The following CCSER1 variants were observed in gnomAD, a reference collection of about 807,000 sequenced individuals.
The protein encoded by CCSER1 is serine-rich coiled-coil domain-containing protein 1.
Under a neutral mutation model 82.0 loss-of-function variants are expected in CCSER1, and 41 were observed. That is an observed-to-expected ratio of 0.50 (90% confidence interval 0.39 to 0.65). The LOEUF (loss-of-function observed/expected upper bound fraction) is 0.65, where lower values mean the gene tolerates loss of function less well. CCSER1 is among the 30% of genes least tolerant of loss of function. CCSER1 has a pLI of 0.00. For synonymous variants in CCSER1, 414 were observed against 383.9 expected (o/e 1.08, Z -0.92); for missense variants, 1,119 against 1,064.2 (o/e 1.05, Z -0.72).
intron 1 of CCSER1, among the ~76,000 whole-genome samples, chr4:90,186,285 A>G (rs181445458): frequency 4.6e-5 from 7 of 152,150 alleles, no homozygotes; most frequent in East Asian, 1.9e-4. Flanking sequence ...GATATGTGTC[A>G]GGTTCTTATA....
chr4:90,536,039 T>TA (rs1775301703), intron 5 of CCSER1, among the ~76,000 whole-genome samples: 1 of 148,222 alleles, frequency 6.7e-6, no homozygotes, highest in South Asian at 2.2e-4. Context: ...CTGTTTTTTT[T>TA]TTTTTTTTTT....
chr4:90,596,933 AAAAT>A (rs1783411618), intron 5 of CCSER1, among the ~76,000 whole-genome samples: 2 of 152,068 alleles, frequency 1.3e-5, no homozygotes, highest in South Asian at 4.1e-4. Flanking sequence ...AAGACAATAA[AAAAT>A]AAGTAATTTC....
intron 3 of CCSER1, among the ~76,000 whole-genome samples, chr4:90,368,524 T>C (rs964591307): frequency 5.9e-5 from 9 of 151,726 alleles, no homozygotes; most frequent in Admixed American, 2.6e-4. Context: ...TCTTAGCTCC[T>C]GGGGTGGCTG....
chr4:91,491,948 G>GTTTTT (rs10717215), intron 10 of CCSER1, among the ~76,000 whole-genome samples: 1 of 124,594 alleles, frequency 8.0e-6, no homozygotes, highest in South Asian at 2.5e-4. Flanking sequence ...ATTGCTAATA[G>GTTTTT]TTTTTTTTTT....
chr4:90,333,590 G>A (rs932582673), intron 3 of CCSER1, among the ~76,000 whole-genome samples: 1 of 152,184 alleles, frequency 6.6e-6, no homozygotes, highest in East Asian at 1.9e-4. Flanking sequence ...CTCCAGCAAT[G>A]CAGTTTAAGT....
chr4:90,224,673 C>T (rs1053912616), intron 1 of CCSER1, among the ~76,000 whole-genome samples: 1 of 152,196 alleles, frequency 6.6e-6, no homozygotes, highest in African/African-American at 2.4e-5. Flanking sequence ...GAAGAGATTT[C>T]TGGCTTTTCC....
chr4:90,155,158 T>C (rs1054633213), intron 1 of CCSER1, among the ~76,000 whole-genome samples: 16 of 152,244 alleles, frequency 1.1e-4, no homozygotes, highest in Non-Finnish European at 2.1e-4. Flanking sequence ...TTGTCTTTGG[T>C]TCTGTTTATA....
At position 91,419,942 on chromosome 4, in the gene CCSER1, C is replaced by T. The variant is rs141745547; in HGVS notation, c.2218-178630C>T. 3.4e-4 allele frequency among the ~76,000 whole-genome samples: 52 copies of T among 152,052 alleles called. No individual in the cohort carries two copies. The East Asian group carries it at 8.7e-3, about 25-fold the overall frequency. ...CTTTGACAAGAGCACCAAGAATACACGTTAGGAAAGATGAGTTTCTTCAAT... is the reference window on the plus strand; with the variant it reads ...CTTTGACAAGAGCACCAAGAATACATGTTAGGAAAGATGAGTTTCTTCAAT... On this transcript the variant is annotated intron_variant, in intron 10 of 10. Transcript: ENST00000509176.
chr4:91,311,698 A>G (rs960220473), intron 10 of CCSER1, among the ~76,000 whole-genome samples: 6 of 151,974 alleles, frequency 3.9e-5, no homozygotes, highest in East Asian at 1.9e-4. Flanking sequence ...AGACTTGTCT[A>G]TAGGTCTTAA....
chr4:90,852,859 A>G (rs1309276898), intron 8 of CCSER1, among the ~76,000 whole-genome samples: 1 of 152,172 alleles, frequency 6.6e-6, no homozygotes, highest in Non-Finnish European at 1.5e-5. Context: ...AAAGAAACTG[A>G]TATCTTACTA....
intron 10 of CCSER1, among the ~76,000 whole-genome samples, chr4:91,389,639 G>A (rs1751529615): frequency 6.6e-6 from 1 of 151,322 alleles, no homozygotes; most frequent in South Asian, 2.1e-4. Flanking sequence ...ATTTCGGTGG[G>A]GATTGTGTTG....
intron 10 of CCSER1, among the ~76,000 whole-genome samples, chr4:91,095,200 C>T (rs759883911): frequency 2.6e-5 from 4 of 152,190 alleles, no homozygotes; most frequent in East Asian, 3.9e-4. Flanking sequence ...AGTAGCCCTT[C>T]GAACAGATTG....
chr4:91,020,084 G>A (rs1031924843), intron 9 of CCSER1, among the ~76,000 whole-genome samples: 1 of 151,914 alleles, frequency 6.6e-6, no homozygotes, highest in East Asian at 1.9e-4. Context: ...AAAATTTCTT[G>A]GGGGAAAACA....
intron 5 of CCSER1, among the ~76,000 whole-genome samples, chr4:90,619,989 T>G (rs1486663412): frequency 6.6e-6 from 1 of 152,106 alleles, no homozygotes; most frequent in African/African-American, 2.4e-5. Context: ...AACCTTCTCT[T>G]TTTAAGACTA....
chr4:90,966,237 A>G (rs759301644), intron 9 of CCSER1, among the ~76,000 whole-genome samples: 9 of 152,058 alleles, frequency 5.9e-5, no homozygotes, highest in Admixed American at 1.3e-4. Flanking sequence ...TATGAAAAAC[A>G]TTGATCTGCC....
chr4:91,202,036 CA>C (rs1735939916), intron 10 of CCSER1, among the ~76,000 whole-genome samples: 1 of 151,906 alleles, frequency 6.6e-6, no homozygotes, highest in South Asian at 2.1e-4. Context: ...AATGCTATTC[CA>C]ATATCACTTT....
chr4:91,160,995 G>A (rs1638513589), intron 10 of CCSER1, among the ~76,000 whole-genome samples: 1 of 152,060 alleles, frequency 6.6e-6, no homozygotes, highest in Non-Finnish European at 1.5e-5. Context: ...TGTCTTGAAT[G>A]GTATTGCCTA....
At chr4:90,822,727 C>CCA (rs1759921316) in intron 8 of CCSER1, among the ~76,000 whole-genome samples, 1 of 76,842 alleles carries the variant, frequency 1.3e-5, no homozygotes, top group Admixed American at 1.6e-4. Flanking sequence ...GACTCCATCT[C>CCA]AAAAAAAAAA....
At chr4:90,228,337 T>A (rs1410295702) in intron 1 of CCSER1, among the ~76,000 whole-genome samples, 1 of 152,130 alleles carries the variant, frequency 6.6e-6, no homozygotes, top group Admixed American at 6.5e-5. Flanking sequence ...GCAGCCTAAC[T>A]GGGAGGCACC....
Sources: gnomAD v4.1 joint callset for allele counts (sites outside exome capture counted in the v4.1 genomes callset) on GRCh38, gnomAD v4.1.1 for gene constraint, MANE v1.5 for transcripts, NCBI Gene and HGNC (gene_info 2026-07-23, HGNC 2026-07-21) for gene names.